The following MACROH2A1 variants were observed in gnomAD, a reference collection of about 807,000 sequenced individuals.
MACROH2A1 encodes the protein macroH2A.1 histone.
Under a neutral mutation model 31.6 loss-of-function variants are expected in MACROH2A1, and 2 were observed. That is an observed-to-expected ratio of 0.06 (90% CI 0.03 to 0.20). The LOEUF (loss-of-function observed/expected upper bound fraction) is 0.20. MACROH2A1 is among the 10% of genes least tolerant of loss of function. The pLI is 1.00. For synonymous variants in MACROH2A1, 169 were observed against 189.6 expected, an observed-to-expected ratio of 0.89 and a Z score of 0.89; for missense variants, 230 against 474.0, an observed-to-expected ratio of 0.49 and a Z score of 4.78.
chr5:135,391,478 C>T (rs1767230795), intron 1 of MACROH2A1, among the ~76,000 whole-genome samples: 1 of 152,230 alleles, frequency 6.6e-6, no homozygotes, highest in Non-Finnish European at 1.5e-5. Flanking sequence ...AGGTCCTAGA[C>T]ACGCTGACTC....
chr5:135,340,887 GGCCTGGGTA>G (rs1278635008), intron 8 of MACROH2A1, among the ~76,000 whole-genome samples: 1 of 152,168 alleles, frequency 6.6e-6, no homozygotes, highest in Non-Finnish European at 1.5e-5. Flanking sequence ...TGGCAGATGT[GGCCTGGGTA>G]GCTGTACACA....
chr5:135,389,688 A>AAG (rs763379812), intron 1 of MACROH2A1, among the ~76,000 whole-genome samples: 4 of 152,022 alleles, frequency 2.6e-5, no homozygotes, highest in African/African-American at 9.7e-5. Flanking sequence ...ATCTTTAGAG[A>AAG]AGAGAGAGAG....
At chr5:135,336,993 A>AGTC (rs1554085912) in intron 8 of MACROH2A1, among the ~76,000 whole-genome samples, 3 of 152,232 alleles carry the variant, frequency 2.0e-5, no homozygotes, top group African/African-American at 7.2e-5. Context: ...GGCAGAGCCC[A>AGTC]GTCTGTGGAT....
At chr5:135,346,129 G>A in intron 6 of MACROH2A1, 72 bp from the exon 7 acceptor site, 3 of 872,494 alleles carry the variant, frequency 3.4e-6, no homozygotes, top group South Asian at 2.6e-5. Context: ...AGCATGTCAG[G>A]TGATTACATA....
chr5:135,364,704 C>A (rs1411388215), intron 4 of MACROH2A1, among the ~76,000 whole-genome samples: 1 of 152,186 alleles, frequency 6.6e-6, no homozygotes, highest in South Asian at 2.1e-4. Flanking sequence ...AAAATCATCA[C>A]CCCATGTTTA....
intron 4 of MACROH2A1, among the ~76,000 whole-genome samples, chr5:135,363,932 G>A (rs1160568158): frequency 6.6e-6 from 1 of 152,196 alleles, no homozygotes; most frequent in East Asian, 1.9e-4. Flanking sequence ...CAGTGATGAT[G>A]AGCATTTTTT....
At chr5:135,335,226 G>T in intron 8 of MACROH2A1, 85 bp from the exon 9 acceptor site, 1 of 984,882 alleles carries the variant, frequency 1.0e-6, no homozygotes, top group Non-Finnish European at 1.6e-6. Flanking sequence ...ACCTCCCTCT[G>T]TGCTGCAGCT....
intron 8 of MACROH2A1, among the ~76,000 whole-genome samples, chr5:135,338,789 A>G (rs1483239359): frequency 1.3e-5 from 2 of 152,160 alleles, no homozygotes; most frequent in Non-Finnish European, 2.9e-5. Context: ...TGTGCTGCCT[A>G]TCTTTCAGAT....
At chr5:135,384,819 C>T (rs867418596) in intron 2 of MACROH2A1, among the ~76,000 whole-genome samples, 16 of 152,202 alleles carry the variant, frequency 1.1e-4, no homozygotes, top group African/African-American at 3.4e-4. Flanking sequence ...CCTCATTTCA[C>T]GGAGTATAAA....
chr5:135,373,333 G>A (rs1316258665), intron 2 of MACROH2A1, among the ~76,000 whole-genome samples: 1 of 152,162 alleles, frequency 6.6e-6, no homozygotes, highest in African/African-American at 2.4e-5. Flanking sequence ...TGACTTGGGT[G>A]AGGGCAGGTA....
In MACROH2A1 at chr5:135,389,105, T is replaced by C. The variant is rs1581359610; in HGVS notation, c.-12A>G. On this transcript the variant is annotated 5_prime_UTR_variant, in exon 2 of 9. Transcript: ENST00000511689. Reference sequence around the variant, plus strand: ...CCGCGGCTCGACATGGCGGTGGCCCTGGAGGCGGATCAGTGAGCACACTGT... The same window carrying C: ...CCGCGGCTCGACATGGCGGTGGCCCCGGAGGCGGATCAGTGAGCACACTGT... 6.2e-7 allele frequency: 1 copy of C among 1,610,574 alleles called. No individual in the cohort carries two copies. The highest frequency in any genetic ancestry group is 1.1e-5 in the South Asian group (1 of 90,822).
Position 135,398,958 on chromosome 5 carries a change from GCACCA to G in MACROH2A1, c.-34+99_-34+103del. On this transcript the variant is annotated intron_variant, in intron 1 of 8. Coordinates refer to ENST00000511689, the MANE Select transcript of MACROH2A1 (RefSeq NM_138610.3). The surrounding 1 kb of genome is among the most constrained non-coding windows in gnomAD (Gnocchi z 4.6). ...GAACCCGGCGGCCCGAGCCCGGCCCGCACCACACCGGTGCGCGCCAGGCCGGGCCG... is the reference window on the plus strand; with the variant it reads ...GAACCCGGCGGCCCGAGCCCGGCCCGCACCGGTGCGCGCCAGGCCGGGCCG... The G allele has an allele frequency of 6.7e-6, 1 of 149,090 alleles. No individual in the cohort carries two copies. The highest frequency in any genetic ancestry group is 2.1e-4 in the South Asian group (1 of 4,692). The allele number at this position is 149,090 out of a possible 1,614,324, so 9.2% of individuals were successfully genotyped here.
Position 135,343,264 on chromosome 5 carries a change from C to T in MACROH2A1, c.949G>A (p.Gly317Ser), listed in dbSNP as rs1438503520. ...GTAACAAGCATGTGCCCCTACCTGCCGCTGCCGATGGATGGAAATGCAATG... is the reference window on the plus strand; with the variant it reads ...GTAACAAGCATGTGCCCCTACCTGCTGCTGCCGATGGATGGAAATGCAATG... ...KSIAFPSIGS[G>S]RNGFPKQTAA... Residue 317 changes from glycine (G) to serine (S), a missense_variant, in exon 8 of 9, where the codon GGC becomes AGC. Transcript: ENST00000511689. 2 of 1,614,078 alleles carry T rather than the reference C, an allele frequency of 1.2e-6. No homozygotes were observed. Among genetic ancestry groups the T allele is most frequent in the South Asian group, 1.1e-5 (1 of 91,082 alleles).
At chr5:135,381,654 G>T (rs1765666203) in intron 2 of MACROH2A1, among the ~76,000 whole-genome samples, 1 of 152,150 alleles carries the variant, frequency 6.6e-6, no homozygotes, top group Non-Finnish European at 1.5e-5. Context: ...AATGAAATAG[G>T]ACTTCTATAA....
At chr5:135,337,590 T>C (rs1758979694) in intron 8 of MACROH2A1, among the ~76,000 whole-genome samples, 1 of 152,264 alleles carries the variant, frequency 6.6e-6, no homozygotes, top group African/African-American at 2.4e-5. Flanking sequence ...TTAGCCTGCA[T>C]CAGAATTCTG....
intron 2 of MACROH2A1, 30 bp from the exon 3 acceptor site, chr5:135,370,172 A>G (rs1378891015): frequency 8.6e-6 from 12 of 1,394,680 alleles, no homozygotes; most frequent in Non-Finnish European, 1.0e-5. Flanking sequence ...GTGTATGGTC[A>G]TGTTAGAGGA....
chr5:135,394,897 G>A (rs919538049), intron 1 of MACROH2A1, among the ~76,000 whole-genome samples: 2 of 152,250 alleles, frequency 1.3e-5, no homozygotes, highest in Non-Finnish European at 2.9e-5. Flanking sequence ...AGGGAGAAAG[G>A]AGAGGGCAGC....
chr5:135,387,962 T>C (rs1364629603), intron 2 of MACROH2A1, among the ~76,000 whole-genome samples: 2 of 150,740 alleles, frequency 1.3e-5, no homozygotes, highest in Non-Finnish European at 3.0e-5. Flanking sequence ...AAGATCAAAT[T>C]TGAGGTGATG....
chr5:135,385,511 T>C (rs1005130481), intron 2 of MACROH2A1, among the ~76,000 whole-genome samples: 1 of 152,196 alleles, frequency 6.6e-6, no homozygotes, highest in Non-Finnish European at 1.5e-5. Flanking sequence ...GATGTCTGCC[T>C]AGTGTTGGAG....
Sources: gnomAD v4.1 joint callset for allele counts (sites outside exome capture counted in the v4.1 genomes callset) on GRCh38, gnomAD v4.1.1 for gene constraint, Gnocchi (gnomAD v3.1) non-coding constraint, MANE v1.5 for transcripts, NCBI Gene and HGNC (gene_info 2026-07-23, HGNC 2026-07-21) for gene names.